The following FAM72A variants were observed in gnomAD, a reference collection of about 807,000 sequenced individuals.
The protein encoded by FAM72A is regulator of UNG2 and MKLN1 interacting yippee protein 1.
In FAM72A, 1 loss-of-function variant was observed where a neutral mutation model predicts 11.3. The ratio of observed to expected loss-of-function variants is 0.09; its 90% CI spans 0.03 to 0.42. The LOEUF (loss-of-function observed/expected upper bound fraction) is 0.42. FAM72A is among the 10% of genes least tolerant of loss of function. The probability of loss-of-function intolerance (pLI) is 0.98; values close to 1 mark genes in which losing one functional copy is unlikely to be tolerated. For synonymous variants in FAM72A, 5 were observed against 46.9 expected (o/e 0.11, Z 3.65); for missense variants, 15 against 135.5 (o/e 0.11, Z 4.41).
rs1239903990 is a variant in FAM72A at position 206,187,337 on chromosome 1, A to G, written c.392T>C (p.Ile131Thr). ...NVLLWGNLPE[I>T]EESTDEDVLN... ...CACATCTTCATCTGTACTCTCTTCT[A>G]TCTCTGGCAAGTTGCCCCAAAGTAG... Residue 131 changes from isoleucine to threonine, a missense_variant, in exon 4 of 4, where the codon ATA becomes ACA. Around this residue, in one of 2 missense-constraint regions of FAM72A, gnomAD observed 10 missense variants for 35.1 expected, o/e 0.29. Transcript: ENST00000367128. The G allele has an allele frequency of 4.3e-6, 7 of 1,611,526 alleles. No homozygotes were observed. The highest frequency in any genetic ancestry group is 2.7e-5 in the African/African-American group (2 of 74,950).
intron 2 of FAM72A, among the ~76,000 whole-genome samples, chr1:206,196,679 T>G (rs1465910296): frequency 1.6e-5 from 2 of 128,300 alleles, no homozygotes; most frequent in Admixed American, 7.8e-5. Flanking sequence ...AGTCTCAGTG[T>G]TTTTGAAGGA....
At chr1:206,189,485 T>C (rs1485213444) in intron 3 of FAM72A, among the ~76,000 whole-genome samples, 5 of 121,588 alleles carry the variant, frequency 4.1e-5, no homozygotes, top group Non-Finnish European at 8.0e-5. Flanking sequence ...TAAGAATGAA[T>C]GGTGTTCTGC....
intron 3 of FAM72A, among the ~76,000 whole-genome samples, chr1:206,190,620 C>T (rs1394731548): frequency 7.9e-6 from 1 of 126,900 alleles, no homozygotes; most frequent in Non-Finnish European, 1.6e-5. Flanking sequence ...CCTGTAATCC[C>T]AGCCCTTTGG....
At chr1:206,192,797 A>T (rs1664860723) in intron 3 of FAM72A, among the ~76,000 whole-genome samples, 1 of 141,326 alleles carries the variant, frequency 7.1e-6, no homozygotes, top group Admixed American at 7.2e-5. Context: ...ATAACATACA[A>T]GTTCAGGTGA....
intron 2 of FAM72A, among the ~76,000 whole-genome samples, chr1:206,198,183 G>A (rs1334367702): frequency 2.0e-5 from 3 of 148,346 alleles, no homozygotes; most frequent in Non-Finnish European, 3.0e-5. Context: ...GGGCAACACG[G>A]TGAAACCCTG....
upstream of FAM72A, chr1:206,205,085 G>A (rs1217404848): frequency 6.6e-6 from 1 of 151,912 alleles, no homozygotes; most frequent in Non-Finnish European, 1.5e-5. Context: ...CCACGTCGGG[G>A]GCTAGGTCGG....
intron 2 of FAM72A, among the ~76,000 whole-genome samples, chr1:206,196,778 C>T (rs1464910357): frequency 6.6e-5 from 10 of 151,420 alleles, no homozygotes; most frequent in African/African-American, 2.4e-4. Flanking sequence ...ATAAGTACCT[C>T]AGTCTTTCAC....
rs1664591232 is a variant in FAM72A, at chr1:206,187,501, T to C, written c.356-128A>G. Reference sequence around the variant, plus strand: ...TGTTAGCAGTAAAAAGAGTAGCTATTGAAGAATGTACTGCAAATAAAATTA... The same window carrying C: ...TGTTAGCAGTAAAAAGAGTAGCTATCGAAGAATGTACTGCAAATAAAATTA... On this transcript the variant is annotated intron_variant, in intron 3 of 3. Coordinates refer to ENST00000367128, the MANE Select transcript of FAM72A (RefSeq NM_001123168.3). 7.8e-6 allele frequency: 5 copies of C among 639,344 alleles called. No individual in the cohort carries two copies. In the Admixed American group the frequency reaches 1.5e-4, roughly 19 times the overall value. The allele number at this position is 639,344 out of a possible 1,614,324, so 39.6% of individuals were successfully genotyped here.
At chr1:206,198,907 T>TAAAAAAAAAAA (rs544163968) in intron 2 of FAM72A, among the ~76,000 whole-genome samples, 1 of 63,700 alleles carries the variant, frequency 1.6e-5, no homozygotes, top group African/African-American at 5.9e-5. Flanking sequence ...CTGTCTCTAC[T>TAAAAAAAAAAA]AAAAAAAAAA....
In FAM72A at chr1:206,187,006, T is replaced by C; in HGVS notation, c.*273A>G. ...CAGATTGGGAGGTAACTGAGTGATA[T>C]GTGAAAGAATCTTCCCCTGTCTGAA... is the stretch of plus-strand genomic sequence containing the variant. On this transcript the variant is annotated 3_prime_UTR_variant, in exon 4 of 4. Transcript: ENST00000367128. The C allele has an allele frequency of 2.9e-6, 1 of 346,560 alleles. No homozygotes were observed. Among genetic ancestry groups the C allele is most frequent in the East Asian group, 5.6e-5 (1 of 17,738 alleles). The allele number at this position is 346,560 out of a possible 1,614,324, so 21.5% of individuals were successfully genotyped here.
chr1:206,203,756 C>G (rs575824254), upstream of FAM72A: 136 of 1,463,542 alleles, frequency 9.3e-5, no homozygotes, highest in Non-Finnish European at 1.1e-4. Flanking sequence ...GGATGCTGCT[C>G]GCGGCATCGC....
chr1:206,205,299 G>T (rs1397771938), upstream of FAM72A: 1 of 140,148 alleles, frequency 7.1e-6, no homozygotes, highest in African/African-American at 2.7e-5. Context: ...GGCTCTGCGG[G>T]CGGGGAGACG....
chr1:206,202,938 C>T (rs1490809414), upstream of FAM72A: 1 of 148,690 alleles, frequency 6.7e-6, no homozygotes, highest in Non-Finnish European at 1.5e-5. Context: ...TAGAGTTAGC[C>T]CCAGTCCCTC....
intron 2 of FAM72A, among the ~76,000 whole-genome samples, chr1:206,197,871 G>A (rs371668205): frequency 0.06 from 9,127 of 151,798 alleles, 744 homozygotes; most frequent in African/African-American, 0.19. Context: ...CCGAGATCAT[G>A]CCATTGCACT....
At chr1:206,191,502 C>G (rs1353913941) in intron 3 of FAM72A, among the ~76,000 whole-genome samples, 1 of 150,316 alleles carries the variant, frequency 6.7e-6, no homozygotes, top group Admixed American at 6.6e-5. Flanking sequence ...AATCTCGCTA[C>G]TCGGGAGGCT....
chr1:206,188,509 CT>C (rs1176753656), intron 3 of FAM72A, among the ~76,000 whole-genome samples: 270 of 134,694 alleles, frequency 2.0e-3, no homozygotes, highest in Middle Eastern at 7.6e-3. Context: ...AAAAGCAAAT[CT>C]TTTTTTTTTT....
At chr1:206,203,155 T>G, upstream of FAM72A, 1 of 216,920 alleles carries the variant, frequency 4.6e-6, no homozygotes. Flanking sequence ...TCCCGCTTCT[T>G]ATTGGAAGAG....
At position 206,187,141 on chromosome 1, in the gene FAM72A, C is replaced by A; in HGVS notation, c.*138G>T. The A allele has an allele frequency of 1.8e-6, 2 of 1,098,684 alleles. No homozygotes were observed. The highest frequency in any genetic ancestry group is 1.3e-6 in the Non-Finnish European group (1 of 796,172). 68.1% of individuals were successfully genotyped at this position (1,098,684 alleles called of 1,614,324 possible). A position where few individuals can be genotyped will look rare whatever the true frequency, so the allele number is the denominator to read the frequency against. ...TCAAACTGAGGTAACTAATTAGAGA[C>A]GGAAAATAAATAAATCAACAAATGC... On this transcript the variant is annotated 3_prime_UTR_variant, in exon 4 of 4. Coordinates refer to ENST00000367128, the MANE Select transcript of FAM72A (RefSeq NM_001123168.3).
chr1:206,196,665 T>G (rs1388418502), intron 2 of FAM72A, among the ~76,000 whole-genome samples: 133 of 113,332 alleles, frequency 1.2e-3, no homozygotes, highest in Non-Finnish European at 1.8e-3. Context: ...GCTGCTCTAA[T>G]TTTAGTCTCA....
Sources: gnomAD v4.1 joint callset for allele counts (sites outside exome capture counted in the v4.1 genomes callset) on GRCh38, gnomAD v4.1.1 for gene constraint, gnomAD v4.1.1 regional missense constraint, MANE v1.5 for transcripts, NCBI Gene and HGNC (gene_info 2026-07-23, HGNC 2026-07-21) for gene names.